The following PDSS2 variants were observed in gnomAD, a reference collection of about 807,000 sequenced individuals.
PDSS2 encodes all trans-polyprenyl-diphosphate synthase PDSS2.
In PDSS2, 31 loss-of-function variants were observed where a neutral mutation model predicts 44.5. The observed-to-expected ratio is 0.70, with a 90% CI of 0.52 to 0.94. The LOEUF is 0.94. PDSS2 is among the 40% of genes least tolerant of loss of function. The pLI, the probability that PDSS2 is intolerant of heterozygous loss-of-function variation, is 0.00. For missense variants in PDSS2, 452 were observed against 482.2 expected, an observed-to-expected ratio of 0.94 and a Z score of 0.59; for synonymous variants, 157 against 180.3, an observed-to-expected ratio of 0.87 and a Z score of 1.03.
intron 1 of PDSS2, among the ~76,000 whole-genome samples, chr6:107,378,228 TCA>T (rs1234983761): frequency 2.0e-5 from 3 of 149,972 alleles, no homozygotes; most frequent in African/African-American, 7.4e-5. Context: ...AAACATCCAC[TCA>T]CACCACCACT....
At chr6:107,379,287 A>T (rs1030393585) in intron 1 of PDSS2, among the ~76,000 whole-genome samples, 1 of 152,238 alleles carries the variant, frequency 6.6e-6, no homozygotes, top group Non-Finnish European at 1.5e-5. Context: ...TTTCTGTATT[A>T]TAACACTTAT....
At chr6:107,458,941 AAAG>A in intron 1 of PDSS2, 46 bp downstream of exon 1, 1 of 1,578,350 alleles carries the variant, frequency 6.3e-7, no homozygotes, top group Non-Finnish European at 8.7e-7. Context: ...GCCAGAAAAA[AAAG>A]TATTCCAATG....
chr6:107,336,169 C>T (rs1450073514), intron 1 of PDSS2, among the ~76,000 whole-genome samples: 1 of 150,394 alleles, frequency 6.6e-6, no homozygotes, highest in Non-Finnish European at 1.5e-5. Flanking sequence ...GCAGGAGAAT[C>T]GCTTGAATCC....
At chr6:107,332,906 A>T (rs891659595) in intron 2 of PDSS2, among the ~76,000 whole-genome samples, 4 of 152,218 alleles carry the variant, frequency 2.6e-5, no homozygotes, top group African/African-American at 9.6e-5. Context: ...TGTATGGATG[A>T]ATGGTAAAAG....
rs570504868 is a variant in PDSS2, at chr6:107,245,000, C to CA, written c.702+547dup. Among the ~76,000 whole-genome samples the CA allele has an allele frequency of 5.9e-5, 9 of 152,148 alleles. No individual in the cohort carries two copies. The South Asian group carries it at 1.5e-3, about 25-fold the overall frequency. ...TCTTGAGATGTCCTGCTAAATGAGT[C>CA]AAAAAAATCTTAATTCTAGACCTAT... On this transcript the variant is annotated intron_variant, in intron 4 of 7. Transcript: ENST00000369037.
rs1472036865 is a variant in PDSS2, at chr6:107,153,470, C to T, written c.*1149G>A. The T allele has an allele frequency of 3.3e-5, 5 of 152,348 alleles. No individual in the cohort carries two copies. The highest frequency in any genetic ancestry group is 7.3e-5 in the African/African-American group (3 of 41,354). 9.4% of individuals were successfully genotyped at this position (152,348 alleles called of 1,614,324 possible). On this transcript the variant is annotated 3_prime_UTR_variant, in exon 8 of 8. Transcript: ENST00000369037. ...ACTCTCACCAATGAATTCCCTAGTACAAAAATTCTGTTTCTGAAACTCGTA... is the reference window on the plus strand; with the variant it reads ...ACTCTCACCAATGAATTCCCTAGTATAAAAATTCTGTTTCTGAAACTCGTA...
chr6:107,241,507 CA>C (rs1479572521), intron 4 of PDSS2, among the ~76,000 whole-genome samples: 1 of 151,590 alleles, frequency 6.6e-6, no homozygotes, highest in African/African-American at 2.4e-5. Flanking sequence ...CCACCACGCC[CA>C]GCTAATTTTT....
At chr6:107,347,573 A>G (rs1016748711) in intron 1 of PDSS2, among the ~76,000 whole-genome samples, 1 of 151,938 alleles carries the variant, frequency 6.6e-6, no homozygotes, top group Non-Finnish European at 1.5e-5. Context: ...TCCTAAAATT[A>G]TATCTTTTAG....
At chr6:107,255,149 G>A (rs1467505886) in intron 3 of PDSS2, among the ~76,000 whole-genome samples, 2 of 151,280 alleles carry the variant, frequency 1.3e-5, no homozygotes, top group East Asian at 3.9e-4. Flanking sequence ...TACCACGCCT[G>A]GCCAAAATTA....
chr6:107,369,560 A>C (rs1251994412), intron 1 of PDSS2, among the ~76,000 whole-genome samples: 3 of 152,240 alleles, frequency 2.0e-5, no homozygotes, highest in Non-Finnish European at 4.4e-5. Flanking sequence ...CCATAGGAGC[A>C]TATCTTCATG....
At position 107,248,978 on chromosome 6, in the gene PDSS2, C is replaced by T. The variant is rs534987900; in HGVS notation, c.631-3359G>A. Among the ~76,000 whole-genome samples the T allele has an allele frequency of 2.0e-5, 3 of 152,282 alleles. No individual in the cohort carries two copies. In the South Asian group the frequency reaches 6.2e-4, roughly 32 times the overall value. On this transcript the variant is annotated intron_variant, in intron 3 of 7. Coordinates refer to ENST00000369037, the MANE Select transcript of PDSS2 (RefSeq NM_020381.4). ...CAAAACCATTATGACTGGTAGAGCA[C>T]CCCATCAACTGGCAAAGTCCTACTT...
At chr6:107,170,324 A>T (rs1554248244) in intron 7 of PDSS2, among the ~76,000 whole-genome samples, 1 of 152,180 alleles carries the variant, frequency 6.6e-6, no homozygotes, top group East Asian at 1.9e-4. Flanking sequence ...AGACCACTGG[A>T]AAAGTGCAGG....
Position 107,224,063 on chromosome 6 carries a change from T to A in PDSS2, c.703-11781A>T, listed in dbSNP as rs147902784. ...AGGTTGCCTGCTCCATAATGCCTGA[T>A]GATACGAAGTGGAACAGTTTCATCC... On this transcript the variant is annotated intron_variant, in intron 4 of 7. Transcript: ENST00000369037. Among the ~76,000 whole-genome samples the A allele has an allele frequency of 1.2e-3, 175 of 151,426 alleles. 14 individuals are homozygous for A. The highest frequency in any genetic ancestry group is 4.0e-3 in the African/African-American group (165 of 40,764).
chr6:107,171,593 C>G (rs1771579326), intron 7 of PDSS2, among the ~76,000 whole-genome samples: 1 of 152,092 alleles, frequency 6.6e-6, no homozygotes, highest in Non-Finnish European at 1.5e-5. Flanking sequence ...CTCACCACAG[C>G]CTCAAATTCC....
At chr6:107,207,167 T>C (rs1773009937) in intron 6 of PDSS2, among the ~76,000 whole-genome samples, 2 of 152,096 alleles carry the variant, frequency 1.3e-5, no homozygotes, top group Non-Finnish European at 2.9e-5. Flanking sequence ...TAATTTTTTG[T>C]ATTTTTACTA....
At chr6:107,170,183 C>G (rs1771513588) in intron 7 of PDSS2, among the ~76,000 whole-genome samples, 1 of 152,200 alleles carries the variant, frequency 6.6e-6, no homozygotes. Context: ...ATGGTGGGCG[C>G]CCCTCCACCA....
chr6:107,310,282 C>G (rs1477320110), intron 2 of PDSS2, among the ~76,000 whole-genome samples: 1 of 69,858 alleles, frequency 1.4e-5, no homozygotes, highest in East Asian at 5.0e-4. Context: ...AAGACTCCAT[C>G]CCAAAAAAAA....
At chr6:107,162,610 A>ATTTTTTTTTCTTTTC (rs1554246877) in intron 7 of PDSS2, among the ~76,000 whole-genome samples, 1 of 115,552 alleles carries the variant, frequency 8.7e-6, no homozygotes, top group African/African-American at 3.5e-5. Flanking sequence ...GAATTCCCTA[A>ATTTTTTTTTCTTTTC]TTTTTTTTTT....
intron 1 of PDSS2, among the ~76,000 whole-genome samples, chr6:107,391,623 G>T (rs1779784926): frequency 6.6e-6 from 1 of 151,976 alleles, no homozygotes; most frequent in African/African-American, 2.4e-5. Context: ...TACTAAAATG[G>T]TATAAACCCA....
Sources: gnomAD v4.1 joint callset for allele counts (sites outside exome capture counted in the v4.1 genomes callset) on GRCh38, gnomAD v4.1.1 for gene constraint, MANE v1.5 for transcripts, NCBI Gene and HGNC (gene_info 2026-07-23, HGNC 2026-07-21) for gene names.